The following TMEM130 variants were observed in gnomAD, a reference collection of about 807,000 sequenced individuals.
The protein encoded by TMEM130 is transmembrane protein 130.
TMEM130 carries 37 observed loss-of-function variants against 42.9 expected under a neutral mutation model. The ratio of observed to expected loss-of-function variants is 0.86; its 90% CI spans 0.66 to 1.13. The LOEUF (loss-of-function observed/expected upper bound fraction) is 1.13, where lower values mean the gene tolerates loss of function less well. Ranked by LOEUF, TMEM130 falls within the 50% of genes most tolerant of loss-of-function variation. The probability of loss-of-function intolerance (pLI) is 0.00; values close to 1 mark genes in which losing one functional copy is unlikely to be tolerated. For missense variants in TMEM130, 545 were observed against 562.6 expected, an observed-to-expected ratio of 0.97 and a Z score of 0.32; for synonymous variants, 259 against 237.7, an observed-to-expected ratio of 1.09 and a Z score of -0.82.
At chr7:98,858,750 G>A (rs1472214339) in intron 3 of TMEM130, among the ~76,000 whole-genome samples, 1 of 152,108 alleles carries the variant, frequency 6.6e-6, no homozygotes, top group Non-Finnish European at 1.5e-5. Flanking sequence ...CACTCAGGAG[G>A]CAGAGGTGGG....
intron 5 of TMEM130, among the ~76,000 whole-genome samples, chr7:98,852,625 C>G (rs1016591075): frequency 2.6e-5 from 4 of 151,978 alleles, no homozygotes; most frequent in Non-Finnish European, 5.9e-5. Context: ...GACAGAGTCT[C>G]ACTCTGTCAC....
Position 98,848,147 on chromosome 7 carries a change from A to C in TMEM130, c.1181T>G (p.Leu394Arg). Residue 394 changes from leucine to arginine, a missense_variant, in exon 8 of 8, where the codon CTG (leucine) becomes CGG (arginine). Transcript: ENST00000339375. ...CCQMCCGPFL[L>R]ETPSEYLEIV... ...TTCCAGGTACTCAGATGGAGTCTCC[A>C]GCAAGAAAGGCCCACAGCACATCTG... 1 of 1,614,144 alleles carries C rather than the reference A, an allele frequency of 6.2e-7. No individual in the cohort carries two copies. Among genetic ancestry groups the C allele is most frequent in the Non-Finnish European group, 8.5e-7 (1 of 1,180,014 alleles).
intron 1 of TMEM130, among the ~76,000 whole-genome samples, chr7:98,867,629 C>A (rs1794937618): frequency 6.6e-6 from 1 of 152,080 alleles, no homozygotes; most frequent in Non-Finnish European, 1.5e-5. Flanking sequence ...AGGAGGGCAG[C>A]CAGCTGGGAC....
At chr7:98,868,894 T>C (rs782359562) in intron 1 of TMEM130, among the ~76,000 whole-genome samples, 5 of 152,168 alleles carry the variant, frequency 3.3e-5, no homozygotes, top group Admixed American at 6.5e-5. Flanking sequence ...TCCCATAAAA[T>C]TCGTCTAATT....
At chr7:98,861,305 T>C (rs1448403455) in intron 2 of TMEM130, among the ~76,000 whole-genome samples, 1 of 151,362 alleles carries the variant, frequency 6.6e-6, no homozygotes, top group Non-Finnish European at 1.5e-5. Context: ...GCCACTGCAC[T>C]CCAGCCTGGG....
chr7:98,854,761 C>T (rs1584236680), intron 5 of TMEM130, among the ~76,000 whole-genome samples: 4 of 151,782 alleles, frequency 2.6e-5, no homozygotes, highest in South Asian at 2.1e-4. Context: ...AAAGGCCAGA[C>T]GCAGTGGCTC....
At chr7:98,866,140 C>G (rs539195934) in intron 1 of TMEM130, 2 of 152,586 alleles carry the variant, frequency 1.3e-5, no homozygotes, top group Admixed American at 1.3e-4. Context: ...GGCGAAACCC[C>G]GTCTCTACTA....
chr7:98,851,691 A>G (rs1794510747), intron 5 of TMEM130, 68 bp from the exon 6 acceptor site: 3 of 1,426,298 alleles, frequency 2.1e-6, no homozygotes, highest in Non-Finnish European at 1.9e-6. Flanking sequence ...ACCAAGTCCA[A>G]GACAGGCCAG....
At chr7:98,862,240 G>C (rs1554399866) in intron 2 of TMEM130, among the ~76,000 whole-genome samples, 2 of 151,384 alleles carry the variant, frequency 1.3e-5, no homozygotes, top group African/African-American at 4.9e-5. Context: ...GAGAGAGAGA[G>C]AGACAAAGAG....
rs1794428698 is a variant in TMEM130, at chr7:98,848,955, T to C, written c.1007-260A>G. On this transcript the variant is annotated intron_variant, in intron 6 of 7. Coordinates refer to ENST00000339375, the MANE Select transcript of TMEM130 (RefSeq NM_152913.3). ...CAACTTCCAAGAGGGGCAGCTAAAT[T>C]CCTCACACCTTGAGTGAGGGCTGGA... Among the ~76,000 whole-genome samples the C allele has an allele frequency of 2.0e-5, 3 of 152,134 alleles. No individual in the cohort carries two copies. The South Asian group carries it at 6.2e-4, about 32-fold the overall frequency.
intron 5 of TMEM130, among the ~76,000 whole-genome samples, chr7:98,853,375 A>G (rs1021468560): frequency 3.3e-5 from 5 of 152,038 alleles, no homozygotes; most frequent in African/African-American, 1.2e-4. Context: ...CGCCTGTAAT[A>G]CCAGCACTTT....
chr7:98,862,141 C>T (rs1794784535), intron 2 of TMEM130, among the ~76,000 whole-genome samples: 1 of 151,992 alleles, frequency 6.6e-6, no homozygotes, highest in Admixed American at 6.6e-5. Context: ...AAAGGCATGA[C>T]CCAAATGCAG....
rs1584241587 is a variant in TMEM130 at position 98,860,085 on chromosome 7, T to G, written c.551+94A>C. 9.1e-6 allele frequency: 9 copies of G among 986,676 alleles called. No individual in the cohort carries two copies. In the African/African-American group the frequency reaches 1.6e-4, roughly 17 times the overall value. The allele number at this position is 986,676 out of a possible 1,614,324, so 61.1% of individuals were successfully genotyped here. On this transcript the variant is annotated intron_variant, in intron 3 of 7. Transcript: ENST00000339375. ...CTGCATCTCAAAAAAAAAAAAAAAA[T>G]TAAAGGTGAAGAGATTCGGAGTACC...
intron 5 of TMEM130, among the ~76,000 whole-genome samples, chr7:98,854,396 T>C (rs1327594963): frequency 3.0e-5 from 2 of 65,624 alleles, no homozygotes; most frequent in Non-Finnish European, 1.2e-4. Flanking sequence ...TCCATGCCCA[T>C]GGTGAATACA....
At chr7:98,850,271 A>ATTTTTTTTTTTTTTTTTTTT (rs1290884464) in intron 6 of TMEM130, among the ~76,000 whole-genome samples, 1 of 33,878 alleles carries the variant, frequency 3.0e-5, no homozygotes, top group Non-Finnish European at 6.8e-5. Context: ...ATATATATAT[A>ATTTTTTTTTTTTTTTTTTTT]TATTTTTTTT....
rs1794417607 is a variant in TMEM130, at chr7:98,848,572, T to G, written c.1119+11A>C. On this transcript the variant is annotated intron_variant, in intron 7 of 7. Coordinates refer to ENST00000339375, the MANE Select transcript of TMEM130 (RefSeq NM_152913.3). ...CCCAGTAGTCCAGCCCCCACCCCAC[T>G]GAGTACCCACCTCCACCATGTCCTT... The G allele has an allele frequency of 1.3e-6, 2 of 1,582,156 alleles. No homozygotes were observed. The highest frequency in any genetic ancestry group is 2.7e-5 in the African/African-American group (2 of 74,190).
At chr7:98,862,974 C>T (rs985485460) in intron 2 of TMEM130, 121 bp downstream of exon 2, 3 of 1,045,636 alleles carry the variant, frequency 2.9e-6, no homozygotes, top group South Asian at 1.5e-5. Flanking sequence ...AAGGAACCTA[C>T]GGGCCTAATC....
At chr7:98,850,273 A>ATATATATATATT in intron 6 of TMEM130, among the ~76,000 whole-genome samples, 2 of 35,464 alleles carry the variant, frequency 5.6e-5, no homozygotes, top group Non-Finnish European at 1.3e-4. Context: ...ATATATATAT[A>ATATATATATATT]TTTTTTTTTT....
intron 6 of TMEM130, among the ~76,000 whole-genome samples, chr7:98,850,169 T>C (rs1338218406): frequency 6.8e-5 from 10 of 147,836 alleles, no homozygotes; most frequent in Admixed American, 2.1e-4. Context: ...CCACATCAGC[T>C]TCCCGAGTAG....
Sources: gnomAD v4.1 joint callset for allele counts (sites outside exome capture counted in the v4.1 genomes callset) on GRCh38, gnomAD v4.1.1 for gene constraint, MANE v1.5 for transcripts, NCBI Gene and HGNC (gene_info 2026-07-23, HGNC 2026-07-21) for gene names.